NTM: variants seen among roughly 807,000 people sequenced by gnomAD.
NTM encodes the protein neurotrimin, also known as IgLON family member 2.
In NTM, 13 loss-of-function variants were observed where a neutral mutation model predicts 42.1. The ratio of observed to expected loss-of-function variants is 0.31; its 90% confidence interval spans 0.20 to 0.49. The LOEUF (loss-of-function observed/expected upper bound fraction) is 0.49, where lower values mean the gene tolerates loss of function less well. Ranked by LOEUF, NTM falls within the 20% of genes least tolerant of loss-of-function variation. The pLI is 0.99. For synonymous variants in NTM, 187 were observed against 179.2 expected, an observed-to-expected ratio of 1.04 and a Z score of -0.35; for missense variants, 373 against 452.8, an observed-to-expected ratio of 0.82 and a Z score of 1.60.
intron 1 of NTM, among the ~76,000 whole-genome samples, chr11:131,485,253 A>G (rs1475676344): frequency 6.6e-6 from 1 of 152,220 alleles, no homozygotes; most frequent in Non-Finnish European, 1.5e-5. Context: ...TCCTCTTGAC[A>G]GGAGGCTGGG....
chr11:131,569,332 G>A (rs572366493), intron 1 of NTM, among the ~76,000 whole-genome samples: 1 of 149,854 alleles, frequency 6.7e-6, no homozygotes, highest in East Asian at 2.0e-4. Flanking sequence ...TTTTAGTAGA[G>A]ACAGGGTTTA....
intron 2 of NTM, among the ~76,000 whole-genome samples, chr11:132,090,674 C>T (rs373611690): frequency 2.0e-5 from 3 of 150,060 alleles, no homozygotes; most frequent in South Asian, 2.2e-4. Flanking sequence ...CCCTTAGCTA[C>T]ACCCTTTCTT....
At position 131,843,452 on chromosome 11, in the gene NTM, CAGAT is replaced by C. The variant is rs376643813; in HGVS notation, c.83-68108_83-68105del. Among the ~76,000 whole-genome samples, 446 of 152,272 alleles carry C rather than the reference CAGAT, an allele frequency of 2.9e-3. 1 individual carries two copies. The highest frequency in any genetic ancestry group is 9.9e-3 in the African/African-American group (413 of 41,554). On this transcript the variant is annotated intron_variant, in intron 1 of 8. Coordinates refer to ENST00000683400, the MANE Select transcript of NTM (RefSeq NM_001352005.2). ...ATTTGATTTATTCCTCTTAAATAGA[CAGAT>C]AGACCACCCATTCATTTTAATCCAA...
chr11:131,787,408 T>C (rs2089441954), intron 1 of NTM, among the ~76,000 whole-genome samples: 1 of 141,954 alleles, frequency 7.0e-6, no homozygotes, highest in Admixed American at 7.0e-5. Context: ...TGAGACAGAG[T>C]CTCTCTCTGG....
chr11:131,818,100 G>C (rs1231746529), intron 1 of NTM, among the ~76,000 whole-genome samples: 1 of 152,148 alleles, frequency 6.6e-6, no homozygotes, highest in Admixed American at 6.5e-5. Flanking sequence ...AAAGGAGTCT[G>C]GGAGGGACAA....
At chr11:132,202,813 A>G (rs930322823) in intron 3 of NTM, among the ~76,000 whole-genome samples, 9 of 152,150 alleles carry the variant, frequency 5.9e-5, no homozygotes, top group East Asian at 1.9e-4. Flanking sequence ...ACAAGTTCCA[A>G]TCTTCAGAAG....
chr11:131,418,581 G>A (rs1947181929), intron 1 of NTM, among the ~76,000 whole-genome samples: 2 of 152,180 alleles, frequency 1.3e-5, no homozygotes, highest in South Asian at 4.1e-4. Context: ...GCCGGCACAG[G>A]GATTAGGGGC....
intron 3 of NTM, among the ~76,000 whole-genome samples, chr11:132,169,319 A>C (rs7103392): frequency 4.9e-4 from 5 of 10,288 alleles, no homozygotes; most frequent in Non-Finnish European, 1.1e-3. Context: ...TAATTTTTTT[A>C]CTTTTTTTTT....
At chr11:131,473,988 T>C (rs1405360642) in intron 1 of NTM, among the ~76,000 whole-genome samples, 1 of 152,098 alleles carries the variant, frequency 6.6e-6, no homozygotes, top group African/African-American at 2.4e-5. Flanking sequence ...CTGACAATGG[T>C]CTTATCTTTC....
chr11:131,589,167 ATGTGTGTGTGTGTG>A (rs58237274), intron 1 of NTM, among the ~76,000 whole-genome samples: 2 of 143,508 alleles, frequency 1.4e-5, no homozygotes, highest in African/African-American at 5.2e-5. Context: ...ACCTGGAAAA[ATGTGTGTGTGTGTG>A]TGTGTGTGTG....
At chr11:131,457,642 T>C (rs906865768) in intron 1 of NTM, among the ~76,000 whole-genome samples, 3 of 152,186 alleles carry the variant, frequency 2.0e-5, no homozygotes, top group East Asian at 1.9e-4. Context: ...GGTGTTTGTG[T>C]GTGAAATCCG....
intron 1 of NTM, among the ~76,000 whole-genome samples, chr11:131,512,399 C>G (rs1209433231): frequency 6.6e-6 from 1 of 152,206 alleles, no homozygotes; most frequent in African/African-American, 2.4e-5. Context: ...CTTGCTCTGC[C>G]AGCCCAGGCA....
rs1466748476 is a variant in NTM at position 131,463,598 on chromosome 11, AATAC to A, written c.82+92713_82+92716del. Reference sequence around the variant, plus strand: ...TTAAATATCCTATTACATACTTATTAATACATTTATCAAAAATAAATCTATTGAA... The same window carrying A: ...TTAAATATCCTATTACATACTTATTAATTTATCAAAAATAAATCTATTGAA... On this transcript the variant is annotated intron_variant, in intron 1 of 8. Coordinates refer to ENST00000683400, the MANE Select transcript of NTM (RefSeq NM_001352005.2). 3.3e-5 allele frequency among the ~76,000 whole-genome samples: 5 copies of A among 152,360 alleles called. No homozygotes were observed. In the East Asian group the frequency reaches 7.7e-4, roughly 23 times the overall value.
chr11:131,693,394 G>A (rs918539280), intron 1 of NTM, among the ~76,000 whole-genome samples: 9 of 151,990 alleles, frequency 5.9e-5, no homozygotes, highest in African/African-American at 1.2e-4. Context: ...AACCTTAGCC[G>A]GGACGGAGTT....
At chr11:131,725,605 G>A (rs2078867673) in intron 1 of NTM, among the ~76,000 whole-genome samples, 1 of 152,162 alleles carries the variant, frequency 6.6e-6, no homozygotes, top group African/African-American at 2.4e-5. Flanking sequence ...GAAACATCAA[G>A]GACGTCACAG....
At chr11:132,104,612 A>ATAG (rs780636515) in intron 2 of NTM, among the ~76,000 whole-genome samples, 1 of 149,254 alleles carries the variant, frequency 6.7e-6, no homozygotes, top group Non-Finnish European at 1.5e-5. Flanking sequence ...ACTAATAGTA[A>ATAG]TAATCATAAT....
chr11:132,201,295 G>A (rs560561261), intron 3 of NTM, among the ~76,000 whole-genome samples: 2 of 152,326 alleles, frequency 1.3e-5, no homozygotes, highest in Non-Finnish European at 2.9e-5. Flanking sequence ...CTGTCTAGGG[G>A]AGAGAAGCAA....
At chr11:131,646,887 C>T (rs1054836056) in intron 1 of NTM, among the ~76,000 whole-genome samples, 5 of 152,190 alleles carry the variant, frequency 3.3e-5, no homozygotes, top group African/African-American at 7.2e-5. Context: ...CATACAAGGA[C>T]GTGCTCACTA....
rs113373488 is a variant in NTM, at chr11:131,917,313, A to C, written c.167+5665A>C. 1.0e-3 allele frequency among the ~76,000 whole-genome samples: 153 copies of C among 152,332 alleles called. 2 individuals carry two copies. Among genetic ancestry groups the C allele is most frequent in the African/African-American group, 3.4e-3 (143 of 41,584 alleles). ...GTCTTGTGTTGTCCTTGCCTTGGGC[A>C]TGTTACTTCCTCAGTGTCATTTCTG... On this transcript the variant is annotated intron_variant, in intron 2 of 8. Coordinates refer to ENST00000683400, the MANE Select transcript of NTM (RefSeq NM_001352005.2).
Sources: gnomAD v4.1 joint callset for allele counts (sites outside exome capture counted in the v4.1 genomes callset) on GRCh38, gnomAD v4.1.1 for gene constraint, MANE v1.5 for transcripts, NCBI Gene and HGNC (gene_info 2026-07-23, HGNC 2026-07-21) for gene names.